EFCAB13: variants seen among roughly 807,000 people sequenced by gnomAD.
EFCAB13 encodes EF-hand calcium-binding domain-containing protein 13.
EFCAB13 carries 91 observed loss-of-function variants against 110.2 expected under a neutral mutation model. The observed-to-expected ratio is 0.83, with a 90% CI of 0.70 to 0.98. The LOEUF is 0.98. EFCAB13 is among the 50% of genes least tolerant of loss of function. The probability of loss-of-function intolerance (pLI) is 0.00; values close to 1 mark genes in which losing one functional copy is unlikely to be tolerated. For missense variants in EFCAB13, 968 were observed against 1,119.4 expected, an observed-to-expected ratio of 0.86 and a Z score of 1.93; for synonymous variants, 323 against 369.9, an observed-to-expected ratio of 0.87 and a Z score of 1.45.
chr17:47,353,715 A>AT (rs1287126053), intron 9 of EFCAB13, among the ~76,000 whole-genome samples: 4 of 152,230 alleles, frequency 2.6e-5, no homozygotes, highest in Admixed American at 6.5e-5. Context: ...TGTAATAAAC[A>AT]TTAATATGCC....
At chr17:47,335,694 A>G (rs2065345521) in intron 5 of EFCAB13, among the ~76,000 whole-genome samples, 1 of 152,214 alleles carries the variant, frequency 6.6e-6, no homozygotes, top group African/African-American at 2.4e-5. Flanking sequence ...GGGAAGCCTC[A>G]GGAAACTTAG....
At chr17:47,377,575 T>C (rs1396973600) in intron 12 of EFCAB13, 191 bp from the exon 13 acceptor site, 5 of 390,876 alleles carry the variant, frequency 1.3e-5, no homozygotes. Flanking sequence ...CGGTTCTGTG[T>C]TTGAGCTGTA....
chr17:47,379,436 C>T (rs2065634197), intron 14 of EFCAB13, among the ~76,000 whole-genome samples, 183 bp downstream of exon 14: 1 of 152,154 alleles, frequency 6.6e-6, no homozygotes, highest in African/African-American at 2.4e-5. Context: ...ACTTGTTTAC[C>T]TCACAGAGTT....
In EFCAB13 at chr17:47,380,769, A is replaced by G. The variant is rs140523078; in HGVS notation, c.1582+1516A>G. Among the ~76,000 whole-genome samples the G allele has an allele frequency of 4.3e-3, 656 of 152,064 alleles. 19 individuals are homozygous for G. In the East Asian group the frequency reaches 0.066, roughly 15 times the overall value. On this transcript the variant is annotated intron_variant, in intron 14 of 24. Transcript: ENST00000331493. ...GTTTCCTGACTTTTTAATGATCGCC[A>G]TTCTAACTGGCATGAGATGGTATCT... is the stretch of plus-strand genomic sequence containing the variant.
chr17:47,323,961 C>A lies in EFCAB13; in HGVS notation c.-431C>A, dbSNP rs1270127673. 5.2e-5 allele frequency: 8 copies of A among 152,564 alleles called. No homozygotes were observed. Among genetic ancestry groups the A allele is most frequent in the Non-Finnish European group, 7.3e-5 (5 of 68,534 alleles). 9.5% of individuals were successfully genotyped at this position (152,564 alleles called of 1,614,324 possible). On this transcript the variant is annotated 5_prime_UTR_variant, in exon 1 of 25. Coordinates refer to ENST00000331493, the MANE Select transcript of EFCAB13 (RefSeq NM_152347.5). Reference sequence around the variant, plus strand: ...ACCGCGGGGGCGGGGCCGCGCGGCGCGGGATCCTGGGAAGGCTGCAGAGCT... The same window carrying A: ...ACCGCGGGGGCGGGGCCGCGCGGCGAGGGATCCTGGGAAGGCTGCAGAGCT...
chr17:47,383,716 T>C (rs556601770), intron 14 of EFCAB13, among the ~76,000 whole-genome samples: 2 of 152,340 alleles, frequency 1.3e-5, no homozygotes, highest in East Asian at 1.9e-4. Flanking sequence ...AATTTTAGAA[T>C]AAGTGCGATG....
At chr17:47,343,692 A>G (rs2065398482) in intron 6 of EFCAB13, among the ~76,000 whole-genome samples, 1 of 152,104 alleles carries the variant, frequency 6.6e-6, no homozygotes, top group East Asian at 1.9e-4. Flanking sequence ...GCCTTTTTGG[A>G]ATCATGTTTA....
At chr17:47,379,099 TAA>T in intron 13 of EFCAB13, 81 bp from the exon 14 acceptor site, 1 of 982,010 alleles carries the variant, frequency 1.0e-6, no homozygotes, top group Non-Finnish European at 1.6e-6. Context: ...AAGTAAATTT[TAA>T]AAATAGTTGT....
chr17:47,343,691 GA>G (rs2065398498), intron 6 of EFCAB13, among the ~76,000 whole-genome samples: 1 of 151,942 alleles, frequency 6.6e-6, no homozygotes, highest in Admixed American at 6.6e-5. Flanking sequence ...TGCCTTTTTG[GA>G]ATCATGTTTA....
chr17:47,416,482 G>C (rs1904450580), intron 23 of EFCAB13, among the ~76,000 whole-genome samples: 1 of 151,720 alleles, frequency 6.6e-6, no homozygotes, highest in Admixed American at 6.6e-5. Context: ...CTTGTTACCT[G>C]GGCATATTGT....
chr17:47,439,545 T>C (rs1446627392), intron 24 of EFCAB13, among the ~76,000 whole-genome samples: 3 of 152,178 alleles, frequency 2.0e-5, no homozygotes, highest in African/African-American at 4.8e-5. Context: ...TCCTGACTTA[T>C]ATGCAAATAC....
chr17:47,337,256 C>G (rs76884849), intron 5 of EFCAB13, among the ~76,000 whole-genome samples: 1,811 of 152,300 alleles, frequency 0.012, 23 homozygotes, highest in Middle Eastern at 0.02. Context: ...CTGTGGGAAG[C>G]ACATGCCTCA....
chr17:47,425,329 C>T (rs1351190888), intron 23 of EFCAB13, among the ~76,000 whole-genome samples: 2 of 152,164 alleles, frequency 1.3e-5, no homozygotes, highest in Non-Finnish European at 2.9e-5. Flanking sequence ...GAATCAGATT[C>T]TGATTCTGAC....
At chr17:47,403,815 A>T in intron 18 of EFCAB13, 63 bp from the exon 19 acceptor site, 1 of 1,444,710 alleles carries the variant, frequency 6.9e-7, no homozygotes, top group South Asian at 1.4e-5. Flanking sequence ...ATGGATTTCC[A>T]CTAACAAATG....
At chr17:47,356,213 G>A (rs2065479749) in intron 9 of EFCAB13, among the ~76,000 whole-genome samples, 1 of 151,724 alleles carries the variant, frequency 6.6e-6, no homozygotes, top group Admixed American at 6.6e-5. Flanking sequence ...ATCTTGATTT[G>A]GATCCATTGC....
Position 47,334,093 on chromosome 17 carries a change from GTCT to G in EFCAB13, c.31-1097_31-1095del, listed in dbSNP as rs1370315907. The stretch of plus-strand genomic sequence containing the variant: ...TTGGGCTATTTTCTCATTTATTTGT[GTCT>G]TCTTCAGTTTCCTTTATCAAAGTTT... On this transcript the variant is annotated intron_variant, in intron 4 of 24. Coordinates refer to ENST00000331493, the MANE Select transcript of EFCAB13 (RefSeq NM_152347.5). Among the ~76,000 whole-genome samples, 9 of 151,416 alleles carry G rather than the reference GTCT, an allele frequency of 5.9e-5. No homozygotes were observed. The South Asian group carries it at 1.5e-3, about 25-fold the overall frequency.
intron 4 of EFCAB13, among the ~76,000 whole-genome samples, chr17:47,331,478 C>T (rs2065319162): frequency 6.6e-6 from 1 of 151,916 alleles, no homozygotes; most frequent in Non-Finnish European, 1.5e-5. Context: ...TAGAGAGTTA[C>T]CATATACCTA....
At chr17:47,389,710 G>A (rs989940853) in intron 14 of EFCAB13, among the ~76,000 whole-genome samples, 2 of 151,308 alleles carry the variant, frequency 1.3e-5, no homozygotes, top group African/African-American at 4.9e-5. Context: ...CCTTTCCCCA[G>A]ATTTCTGCAT....
rs1345448700 is a variant in EFCAB13 at position 47,440,996 on chromosome 17, A to G, written c.*282A>G. 1 of 219,708 alleles carries G rather than the reference A, an allele frequency of 4.6e-6. No homozygotes were observed. The highest frequency in any genetic ancestry group is 9.0e-6 in the Non-Finnish European group (1 of 111,296). The allele number at this position is 219,708 out of a possible 1,614,324, so 13.6% of individuals were successfully genotyped here. ...AAAATAATGTAATGTAACCCTTACT[A>G]TACACAACATATAGACTATATTATC... On this transcript the variant is annotated 3_prime_UTR_variant, in exon 25 of 25. Transcript: ENST00000331493.
Sources: gnomAD v4.1 joint callset for allele counts (sites outside exome capture counted in the v4.1 genomes callset) on GRCh38, gnomAD v4.1.1 for gene constraint, MANE v1.5 for transcripts, NCBI Gene and HGNC (gene_info 2026-07-23, HGNC 2026-07-21) for gene names.